Variants in UGT1A6 observed in about 807,000 individuals in gnomAD.
UGT1A6 encodes the protein UDP-glucuronosyltransferase 1A6.
Under a neutral mutation model 44.4 loss-of-function variants are expected in UGT1A6, and 32 were observed. That is an observed-to-expected ratio of 0.72 (90% CI 0.54 to 0.97). UGT1A6 has a LOEUF of 0.97. Among genes scored for constraint, UGT1A6 ranks in the 50% least tolerant of loss-of-function variants. The pLI, the probability that UGT1A6 is intolerant of heterozygous loss-of-function variation, is 0.00. For synonymous variants in UGT1A6, 238 were observed against 248.5 expected (o/e 0.96, Z 0.40); for missense variants, 685 against 661.9 (o/e 1.03, Z -0.38).
At position 233,744,814 on chromosome 2, in the gene UGT1A6, C is replaced by T. The variant is rs571865422; in HGVS notation, c.862-22220C>T. 9.2e-5 allele frequency among the ~76,000 whole-genome samples: 14 copies of T among 152,002 alleles called. No individual in the cohort carries two copies. In the East Asian group the frequency reaches 9.6e-4, roughly 10 times the overall value. On this transcript the variant is annotated intron_variant, in intron 1 of 4. Transcript: ENST00000305139. ...CTTGGGGATCCCTAGGATTTCCTGG[C>T]TCATACTTTGAGAATCGCTAGTCTA...
intron 4 of UGT1A6, chr2:233,771,560 G>A (rs1700329109): frequency 6.6e-6 from 1 of 152,164 alleles, no homozygotes; most frequent in South Asian, 2.1e-4. Flanking sequence ...TGTTAATTTG[G>A]CCAGAGGTGG....
chr2:233,744,868 A>T (rs938828765), intron 1 of UGT1A6, among the ~76,000 whole-genome samples: 1 of 151,858 alleles, frequency 6.6e-6, no homozygotes, highest in African/African-American at 2.4e-5. Flanking sequence ...TTCTGAAGGG[A>T]TTAGTTTAGG....
At chr2:233,695,257 C>T (rs1220759210) in intron 1 of UGT1A6, among the ~76,000 whole-genome samples, 1 of 151,850 alleles carries the variant, frequency 6.6e-6, no homozygotes, top group African/African-American at 2.4e-5. Flanking sequence ...TCCTGAGTAG[C>T]TGGGACTATA....
intron 1 of UGT1A6, among the ~76,000 whole-genome samples, chr2:233,739,478 C>A (rs945148386): frequency 2.6e-5 from 4 of 152,180 alleles, no homozygotes; most frequent in African/African-American, 9.7e-5. Context: ...ACCGTGGGAG[C>A]CCATTTCTGG....
In UGT1A6 at chr2:233,772,667, T is replaced by A; in HGVS notation, c.*108T>A. 1 of 1,538,078 alleles carries A rather than the reference T, an allele frequency of 6.5e-7. No individual in the cohort carries two copies. Among genetic ancestry groups the A allele is most frequent in the East Asian group, 2.4e-5 (1 of 40,984 alleles). Reference sequence around the variant, plus strand: ...TTTTATTCTTATTAAGGAAATACTTTGCATAAATTAATCAGCCCCAGAGTG... The same window carrying A: ...TTTTATTCTTATTAAGGAAATACTTAGCATAAATTAATCAGCCCCAGAGTG... On this transcript the variant is annotated 3_prime_UTR_variant, in exon 5 of 5. Coordinates refer to ENST00000305139, the MANE Select transcript of UGT1A6 (RefSeq NM_001072.4).
chr2:233,766,357 C>T (rs1461708777), intron 1 of UGT1A6, among the ~76,000 whole-genome samples: 1 of 152,122 alleles, frequency 6.6e-6, no homozygotes, highest in Non-Finnish European at 1.5e-5. Flanking sequence ...CCTGCCGGTG[C>T]CTGTTGGTGA....
chr2:233,772,520 A>C lies in UGT1A6; in HGVS notation c.1560A>C (p.Lys520Asn). The change falls in exon 5 of 5, where the codon AAA (lysine) becomes AAC (asparagine). Residue 520 changes from lysine (K) to asparagine (N), a missense_variant. Coordinates refer to ENST00000305139, the MANE Select transcript of UGT1A6 (RefSeq NM_001072.4). ...AYGYRKCLGK[K>N]GRVKKAHKSK... is the part of the protein sequence containing the mutation. ...GCTACCGGAAATGCTTGGGGAAAAA[A>C]GGGCGAGTTAAGAAAGCCCACAAAT... 1.2e-6 allele frequency: 2 copies of C among 1,614,206 alleles called. No individual in the cohort carries two copies. Among genetic ancestry groups the C allele is most frequent in the Non-Finnish European group, 1.7e-6 (2 of 1,180,032 alleles).
intron 1 of UGT1A6, chr2:233,708,309 A>G (rs571309769): frequency 2.0e-5 from 3 of 152,348 alleles, no homozygotes; most frequent in Non-Finnish European, 4.4e-5. Context: ...TGACAATCCA[A>G]TAGGTAAAAA....
In UGT1A6 at chr2:233,769,362, G is replaced by A. The variant is rs1315939386; in HGVS notation, c.1301+923G>A. On this transcript the variant is annotated intron_variant, in intron 4 of 4. Coordinates refer to ENST00000305139, the MANE Select transcript of UGT1A6 (RefSeq NM_001072.4). The surrounding 1 kb of genome is among the most constrained non-coding windows in gnomAD (Gnocchi z 4.4). ...ACCTTATGGGAAGAAGTGGTGGCCAGTGGTAGATTTCATCCGACAATAGAT... is the reference window on the plus strand; with the variant it reads ...ACCTTATGGGAAGAAGTGGTGGCCAATGGTAGATTTCATCCGACAATAGAT... Among the ~76,000 whole-genome samples, 1 of 152,244 alleles carries A rather than the reference G, an allele frequency of 6.6e-6. No homozygotes were observed.
At chr2:233,767,402 C>T (rs1699387838) in intron 2 of UGT1A6, among the ~76,000 whole-genome samples, 1 of 152,122 alleles carries the variant, frequency 6.6e-6, no homozygotes, top group Non-Finnish European at 1.5e-5. Flanking sequence ...ATCATTTTCT[C>T]TAAGAGACTC....
rs536726765 is a variant in UGT1A6, at chr2:233,724,607, C to T, written c.861+30742C>T. 5.2e-5 allele frequency among the ~76,000 whole-genome samples: 7 copies of T among 135,444 alleles called. 1 individual carries two copies. Among genetic ancestry groups the T allele is most frequent in the African/African-American group, 1.2e-4 (4 of 34,508 alleles). The allele number at this position is 135,444 out of a possible 152,430, so 88.9% of individuals were successfully genotyped here. On this transcript the variant is annotated intron_variant, in intron 1 of 4. Coordinates refer to ENST00000305139, the MANE Select transcript of UGT1A6 (RefSeq NM_001072.4). ...CCCCACATCTCAGACGATGGGCGGC[C>T]GGGCAGAGACGCTCCTCACTTCCTA...
intron 1 of UGT1A6, among the ~76,000 whole-genome samples, chr2:233,740,131 G>A (rs1211321915): frequency 6.6e-6 from 1 of 151,860 alleles, no homozygotes; most frequent in East Asian, 1.9e-4. Context: ...CTTCTGTCAT[G>A]ATTGTAAGTT....
At chr2:233,757,646 G>T (rs1696690182) in intron 1 of UGT1A6, among the ~76,000 whole-genome samples, 1 of 150,442 alleles carries the variant, frequency 6.6e-6, no homozygotes, top group South Asian at 2.1e-4. Context: ...ACAAAATGCT[G>T]TTTTTCTGGG....
chr2:233,707,013 C>A (rs1559354964), intron 1 of UGT1A6, among the ~76,000 whole-genome samples: 1 of 152,150 alleles, frequency 6.6e-6, no homozygotes, highest in Non-Finnish European at 1.5e-5. Flanking sequence ...ACCTAGGATC[C>A]ATGGTCAGCC....
chr2:233,721,547 C>A, intron 1 of UGT1A6: 1 of 164,174 alleles, frequency 6.1e-6, no homozygotes. Flanking sequence ...TAAATTTTTT[C>A]TTCAGTTTCT....
At position 233,718,947 on chromosome 2, in the gene UGT1A6, A is replaced by C. The variant is rs771749966; in HGVS notation, c.861+25082A>C. On this transcript the variant is annotated intron_variant, in intron 1 of 4. Coordinates refer to ENST00000305139, the MANE Select transcript of UGT1A6 (RefSeq NM_001072.4). ...GCCCACTGATGGCAGCCCCTGGCTC[A>C]GCATGCGGGAGGCCTTGCGGGAGCT... is the stretch of plus-strand genomic sequence containing the variant. The C allele has an allele frequency of 3.1e-6, 5 of 1,613,894 alleles. No homozygotes were observed. The Admixed American group carries it at 6.7e-5, about 22-fold the overall frequency.
Position 233,693,364 on chromosome 2 carries a change from C to T in UGT1A6, c.360C>T (p.Gly120=), listed in dbSNP as rs200083350. 3 of 1,614,138 alleles carry T rather than the reference C, an allele frequency of 1.9e-6. No homozygotes were observed. Among genetic ancestry groups the T allele is most frequent in the Non-Finnish European group, 2.5e-6 (3 of 1,180,044 alleles). ...ACAGGAATAACATGATTGTTATTGG[C>T]CTGTACTTCATCAACTGCCAGAGCC... ...TEYRNNMIVI[G]LYFINCQSLL... Residue 120 remains glycine, a synonymous_variant, in exon 1 of 5, where the codon GGC becomes GGT. Coordinates refer to ENST00000305139, the MANE Select transcript of UGT1A6 (RefSeq NM_001072.4).
intron 4 of UGT1A6, chr2:233,771,511 A>G (rs1282263981): frequency 1.3e-5 from 2 of 152,328 alleles, no homozygotes; most frequent in Non-Finnish European, 2.9e-5. Context: ...ACTGAATTAC[A>G]AATATATCAT....
chr2:233,702,619 T>A (rs1302188822), intron 1 of UGT1A6, among the ~76,000 whole-genome samples: 2 of 152,160 alleles, frequency 1.3e-5, no homozygotes, highest in Non-Finnish European at 2.9e-5. Flanking sequence ...CCCCACATTA[T>A]GAGATTGAGG....
Sources: gnomAD v4.1 joint callset for allele counts (sites outside exome capture counted in the v4.1 genomes callset) on GRCh38, gnomAD v4.1.1 for gene constraint, Gnocchi (gnomAD v3.1) non-coding constraint, MANE v1.5 for transcripts, NCBI Gene and HGNC (gene_info 2026-07-23, HGNC 2026-07-21) for gene names.